Variants in PDSS2 observed in about 807,000 individuals in gnomAD.
PDSS2 encodes decaprenyl diphosphate synthase subunit 2, also known as all trans-polyprenyl-diphosphate synthase PDSS2.
A neutral mutation model predicts 44.5 loss-of-function variants in PDSS2; 31 were observed. The ratio of observed to expected loss-of-function variants is 0.70; its 90% CI spans 0.52 to 0.94. PDSS2 has a LOEUF of 0.94. PDSS2 is among the 40% of genes least tolerant of loss of function. PDSS2 has a pLI of 0.00. For synonymous variants in PDSS2, 157 were observed against 180.3 expected (o/e 0.87, Z 1.03); for missense variants, 452 against 482.2 (o/e 0.94, Z 0.59).
intron 2 of PDSS2, among the ~76,000 whole-genome samples, chr6:107,328,674 A>G (rs1469068314): frequency 6.6e-6 from 1 of 152,208 alleles, no homozygotes; most frequent in Non-Finnish European, 1.5e-5. Flanking sequence ...GCTTTCCACA[A>G]GGTGTACTAC....
intron 1 of PDSS2, among the ~76,000 whole-genome samples, chr6:107,372,001 CCAAG>C (rs1562494620): frequency 6.6e-6 from 1 of 152,104 alleles, no homozygotes; most frequent in African/African-American, 2.4e-5. Flanking sequence ...AAAATTCAAA[CCAAG>C]AAACTAGACT....
chr6:107,257,456 G>A (rs979916298), intron 3 of PDSS2, among the ~76,000 whole-genome samples: 38 of 151,896 alleles, frequency 2.5e-4, no homozygotes, highest in Non-Finnish European at 4.1e-4. Flanking sequence ...AGGATTACCT[G>A]AGCCTGTGAG....
intron 4 of PDSS2, among the ~76,000 whole-genome samples, chr6:107,233,730 T>G (rs1446001209): frequency 6.6e-6 from 1 of 152,134 alleles, no homozygotes; most frequent in Admixed American, 6.5e-5. Flanking sequence ...GGAGGATCCC[T>G]TAAGCCCAGG....
At chr6:107,180,710 T>C (rs1441627234) in intron 7 of PDSS2, among the ~76,000 whole-genome samples, 1 of 152,140 alleles carries the variant, frequency 6.6e-6, no homozygotes, top group Non-Finnish European at 1.5e-5. Context: ...ATATTAGATA[T>C]TATGTAGATA....
intron 7 of PDSS2, among the ~76,000 whole-genome samples, chr6:107,186,622 C>T (rs562239806): frequency 5.9e-5 from 9 of 152,128 alleles, no homozygotes; most frequent in Non-Finnish European, 1.3e-4. Flanking sequence ...CCCCTACCCC[C>T]CAACAGGCCC....
At position 107,396,678 on chromosome 6, in the gene PDSS2, CTTTTTTTTTT is replaced by C. The variant is rs950671310; in HGVS notation, c.296+62302_296+62311del. On this transcript the variant is annotated intron_variant, in intron 1 of 7. Coordinates refer to ENST00000369037, the MANE Select transcript of PDSS2 (RefSeq NM_020381.4). Reference sequence around the variant, plus strand: ...CTTTCTTTTTTTCCTCTTCTTTTTTCTTTTTTTTTTTTTTTTTTTTTTGAGACAGGGACAG... The same window carrying C: ...CTTTCTTTTTTTCCTCTTCTTTTTTCTTTTTTTTTTTTGAGACAGGGACAG... Among the ~76,000 whole-genome samples, 225 of 79,334 alleles carry C rather than the reference CTTTTTTTTTT, an allele frequency of 2.8e-3. 1 individual carries two copies. The highest frequency in any genetic ancestry group is 0.013 in the South Asian group (32 of 2,496). 52.0% of individuals were successfully genotyped at this position (79,334 alleles called of 152,430 possible). A position where few individuals can be genotyped will look rare whatever the true frequency, so the allele number is the denominator to read the frequency against.
intron 4 of PDSS2, among the ~76,000 whole-genome samples, chr6:107,237,912 A>AG (rs1285571247): frequency 2.0e-5 from 3 of 151,628 alleles, no homozygotes; most frequent in African/African-American, 7.3e-5. Flanking sequence ...AAAAAAAAAA[A>AG]AAAGAAAAGA....
intron 3 of PDSS2, among the ~76,000 whole-genome samples, chr6:107,261,147 T>C (rs759113087): frequency 6.6e-6 from 1 of 152,258 alleles, no homozygotes; most frequent in African/African-American, 2.4e-5. Context: ...CCTTCGCATC[T>C]GCAGCTGCCT....
At position 107,182,920 on chromosome 6, in the gene PDSS2, T is replaced by C. The variant is rs986196548; in HGVS notation, c.1041+10902A>G. ...ATGAGGAGTGGGGGATTTAAAATTT[T>C]TGGACAGGGGCTGGTCATGGTGGCT... On this transcript the variant is annotated intron_variant, in intron 7 of 7. Transcript: ENST00000369037. 2.6e-5 allele frequency among the ~76,000 whole-genome samples: 4 copies of C among 152,158 alleles called. No homozygotes were observed. In the South Asian group the frequency reaches 6.2e-4, roughly 24 times the overall value.
At chr6:107,418,148 T>C (rs1780721780) in intron 1 of PDSS2, among the ~76,000 whole-genome samples, 1 of 152,168 alleles carries the variant, frequency 6.6e-6, no homozygotes, top group Non-Finnish European at 1.5e-5. Flanking sequence ...TGCTTGTTAC[T>C]TTATGTGATA....
At chr6:107,362,877 AT>A (rs2114300176) in intron 1 of PDSS2, among the ~76,000 whole-genome samples, 1 of 152,382 alleles carries the variant, frequency 6.6e-6, no homozygotes, top group South Asian at 2.1e-4. Context: ...GAAAAGTTTA[AT>A]AACTGAAATG....
chr6:107,231,298 G>T (rs1198100320), intron 4 of PDSS2, among the ~76,000 whole-genome samples: 1 of 152,184 alleles, frequency 6.6e-6, no homozygotes, highest in Non-Finnish European at 1.5e-5. Context: ...GATATGCAAA[G>T]AACAGGTTAA....
At chr6:107,291,951 T>C (rs1776363334) in intron 2 of PDSS2, among the ~76,000 whole-genome samples, 1 of 152,104 alleles carries the variant, frequency 6.6e-6, no homozygotes, top group African/African-American at 2.4e-5. Flanking sequence ...TTGGAAAAAA[T>C]GACCAGGCCT....
chr6:107,205,001 A>G (rs1056970171), intron 6 of PDSS2, among the ~76,000 whole-genome samples: 12 of 152,222 alleles, frequency 7.9e-5, no homozygotes, highest in African/African-American at 2.7e-4. Context: ...AGAGGATGAT[A>G]TTAATATTAT....
At chr6:107,273,057 T>C (rs1298127585) in intron 3 of PDSS2, among the ~76,000 whole-genome samples, 1 of 152,088 alleles carries the variant, frequency 6.6e-6, no homozygotes, top group African/African-American at 2.4e-5. Context: ...TGATCTTGGC[T>C]CACTGCAACC....
chr6:107,311,580 G>T (rs1288328738), intron 2 of PDSS2, among the ~76,000 whole-genome samples: 1 of 152,124 alleles, frequency 6.6e-6, no homozygotes, highest in African/African-American at 2.4e-5. Flanking sequence ...TGGGGTAAAA[G>T]ATGAAGATAC....
intron 1 of PDSS2, among the ~76,000 whole-genome samples, chr6:107,422,045 T>G (rs1251121760): frequency 1.4e-5 from 2 of 138,444 alleles, no homozygotes; most frequent in Non-Finnish European, 3.2e-5. Context: ...ATAAAAAGGT[T>G]AAAAAAAACT....
rs569054817 is a variant in PDSS2 at position 107,172,659 on chromosome 6, G to A, written c.1042-17882C>T. ...GAATTTATGGCAAAACTTCAAAAAGGGTTGTTAAACAGATGGTTTGTGGGC... is the reference window on the plus strand; with the variant it reads ...GAATTTATGGCAAAACTTCAAAAAGAGTTGTTAAACAGATGGTTTGTGGGC... On this transcript the variant is annotated intron_variant, in intron 7 of 7. Coordinates refer to ENST00000369037, the MANE Select transcript of PDSS2 (RefSeq NM_020381.4). Among the ~76,000 whole-genome samples the A allele has an allele frequency of 5.9e-5, 9 of 152,074 alleles. No homozygotes were observed. In the South Asian group the frequency reaches 1.4e-3, roughly 24 times the overall value.
At chr6:107,292,857 G>A (rs926233661) in intron 2 of PDSS2, among the ~76,000 whole-genome samples, 1 of 152,172 alleles carries the variant, frequency 6.6e-6, no homozygotes, top group African/African-American at 2.4e-5. Flanking sequence ...CAGAGAGAAA[G>A]CCTAGCTAGG....
Sources: allele counts gnomAD v4.1 joint callset (sites outside exome capture counted in the v4.1 genomes callset), GRCh38; gene constraint gnomAD v4.1.1; transcripts MANE v1.5; gene names NCBI Gene and HGNC (gene_info 2026-07-23, HGNC 2026-07-21).